The following ZBTB7A variants were observed in gnomAD, a reference collection of about 807,000 sequenced individuals.
ZBTB7A encodes the protein zinc finger and BTB domain containing 7A.
A neutral mutation model predicts 26.7 loss-of-function variants in ZBTB7A; 7 were observed. The ratio of observed to expected loss-of-function variants is 0.26; its 90% confidence interval spans 0.15 to 0.49. The LOEUF is 0.49. Among genes scored for constraint, ZBTB7A ranks in the 20% least tolerant of loss-of-function variants. The pLI, the probability that ZBTB7A is intolerant of heterozygous loss-of-function variation, is 0.98. For synonymous variants in ZBTB7A, 452 were observed against 441.0 expected (o/e 1.02, Z -0.31); for missense variants, 617 against 919.5 (o/e 0.67, Z 4.25).
Position 4,047,711 on chromosome 19 carries a change from GTC to G in ZBTB7A, c.*39_*40del, listed in dbSNP as rs755805315. On this transcript the variant is annotated 3_prime_UTR_variant, in exon 3 of 3. Coordinates refer to ENST00000322357, the MANE Select transcript of ZBTB7A (RefSeq NM_015898.4). ...TGGGTGATTTTTTTTCTCTCTCTCT[GTC>G]TCTCTCTTTCTCGGGTTTCTGTTTT... is the stretch of plus-strand genomic sequence containing the variant. 8 of 1,566,562 alleles carry G rather than the reference GTC, an allele frequency of 5.1e-6. No homozygotes were observed. The highest frequency in any genetic ancestry group is 1.4e-5 in the African/African-American group (1 of 71,528).
chr19:4,045,665 C>CAAG lies in ZBTB7A; in HGVS notation c.*2084_*2086dup. 2.6e-6 allele frequency: 1 copy of CAAG among 379,168 alleles called. No homozygotes were observed. The highest frequency in any genetic ancestry group is 2.1e-5 in the African/African-American group (1 of 48,220). The allele number at this position is 379,168 out of a possible 1,614,324, so 23.5% of individuals were successfully genotyped here. ...CACCCCCCCGCCGGTTGGGCATTGACAAGAAGTCTCAGTGCAGCAGAGCGT... is the reference window on the plus strand; with the variant it reads ...CACCCCCCCGCCGGTTGGGCATTGACAAGAAGAAGTCTCAGTGCAGCAGAGCGT... On this transcript the variant is annotated 3_prime_UTR_variant, in exon 3 of 3. Coordinates refer to ENST00000322357, the MANE Select transcript of ZBTB7A (RefSeq NM_015898.4). The surrounding 1 kb of genome is among the most constrained non-coding windows in gnomAD (Gnocchi z 4.1).
At chr19:4,057,050 AAAAG>A (rs1455218538) in intron 1 of ZBTB7A, among the ~76,000 whole-genome samples, 1 of 150,650 alleles carries the variant, frequency 6.6e-6, no homozygotes, top group Admixed American at 6.6e-5. Flanking sequence ...AAGAAAAAGA[AAAAG>A]AAAAAAAAAA....
chr19:4,060,417 C>T (rs1367822533), intron 1 of ZBTB7A, among the ~76,000 whole-genome samples: 1 of 152,248 alleles, frequency 6.6e-6, no homozygotes, highest in Non-Finnish European at 1.5e-5. Context: ...GGCCGCATTT[C>T]GGCCCCCTCT....
Position 4,047,293 on chromosome 19 carries a change from T to C in ZBTB7A, c.*459A>G, listed in dbSNP as rs2040432189. 6.6e-6 allele frequency: 1 copy of C among 152,180 alleles called. No individual in the cohort carries two copies. Among genetic ancestry groups the C allele is most frequent in the Non-Finnish European group, 1.5e-5 (1 of 68,110 alleles). The allele number at this position is 152,180 out of a possible 1,614,324, so 9.4% of individuals were successfully genotyped here. A position where few individuals can be genotyped will look rare whatever the true frequency, so the allele number is the denominator to read the frequency against. ...TCATTTAAGGTCTTGTCTGAAAGAC[T>C]CATAGAAACCAGCGAGGGGAGGAAA... is the stretch of plus-strand genomic sequence containing the variant. On this transcript the variant is annotated 3_prime_UTR_variant, in exon 3 of 3. Coordinates refer to ENST00000322357, the MANE Select transcript of ZBTB7A (RefSeq NM_015898.4).
rs971782520 is a variant in ZBTB7A at position 4,045,087 on chromosome 19, G to A, written c.*2665C>T. 7.9e-5 allele frequency: 12 copies of A among 152,230 alleles called. No homozygotes were observed. The highest frequency in any genetic ancestry group is 2.7e-4 in the African/African-American group (11 of 41,430). 9.4% of individuals were successfully genotyped at this position (152,230 alleles called of 1,614,324 possible). Reference sequence around the variant, plus strand: ...CAGGCGAAGCTGAGTGCGGAGCTAGGAACGAGGGTTTAGTGCAATCCCCGA... The same window carrying A: ...CAGGCGAAGCTGAGTGCGGAGCTAGAAACGAGGGTTTAGTGCAATCCCCGA... On this transcript the variant is annotated 3_prime_UTR_variant, in exon 3 of 3. Transcript: ENST00000322357. This position sits in a 1 kb window ranked among gnomAD's most constrained non-coding sequence, Gnocchi z 4.1.
chr19:4,059,500 A>C (rs536690966), intron 1 of ZBTB7A, among the ~76,000 whole-genome samples: 3 of 152,112 alleles, frequency 2.0e-5, no homozygotes, highest in African/African-American at 7.2e-5. Flanking sequence ...TCAGCCAAGG[A>C]AAGCCCCCGT....
chr19:4,049,211 T>TATATATATATATATATATATATATATA lies in ZBTB7A; in HGVS notation c.1263-968_1263-967insTATATATATATATATATATATATATAT, dbSNP rs1265213875. ...ATATATATATATATATATATATATG[T>TATATATATATATATATATATATATATA]AAGTTTGAGAGATGGGGGTTGAGCT... On this transcript the variant is annotated intron_variant, in intron 2 of 2. Coordinates refer to ENST00000322357, the MANE Select transcript of ZBTB7A (RefSeq NM_015898.4). Among the ~76,000 whole-genome samples, 3 of 43,168 alleles carry TATATATATATATATATATATATATATA rather than the reference T, an allele frequency of 6.9e-5. 1 individual carries two copies. Among genetic ancestry groups the TATATATATATATATATATATATATATA allele is most frequent in the Non-Finnish European group, 1.1e-4 (2 of 17,798 alleles). The allele number at this position is 43,168 out of a possible 152,430, so 28.3% of individuals were successfully genotyped here. A position where few individuals can be genotyped will look rare whatever the true frequency, so the allele number is the denominator to read the frequency against.
At position 4,047,847 on chromosome 19, in the gene ZBTB7A, C is replaced by T; in HGVS notation, c.1660G>A (p.Gly554Ser). 1.2e-6 allele frequency: 2 copies of T among 1,606,172 alleles called. No individual in the cohort carries two copies. The highest frequency in any genetic ancestry group is 1.7e-6 in the Non-Finnish European group (2 of 1,176,936). Residue 554 changes from glycine (G) to serine (S), a missense_variant, in exon 3 of 3, where the codon GGC (glycine) becomes AGC (serine). Physicochemically the swap from Gly to Ser is moderately conservative, Grantham distance 56. Transcript: ENST00000322357. ...DEDVASPDGL[G>S]RLNVAGAGGG... is the part of the protein sequence containing the mutation. ...CCGGCGCCCGCTACATTCAACCGGC[C>T]CAAGCCGTCGGGGCTGGCCACGTCC...
chr19:4,047,629 A>G lies in ZBTB7A; in HGVS notation c.*123T>C, dbSNP rs2040437852. 2.4e-6 allele frequency: 2 copies of G among 834,894 alleles called. No homozygotes were observed. Among genetic ancestry groups the G allele is most frequent in the Non-Finnish European group, 3.5e-6 (2 of 570,282 alleles). 51.7% of individuals were successfully genotyped at this position (834,894 alleles called of 1,614,324 possible). On this transcript the variant is annotated 3_prime_UTR_variant, in exon 3 of 3. Coordinates refer to ENST00000322357, the MANE Select transcript of ZBTB7A (RefSeq NM_015898.4). ...TATATATATCTGTATATATATATAT[A>G]GATATAGATATCTGTATATAGATAG...
chr19:4,065,001 G>A (rs2040677319), intron 1 of ZBTB7A, among the ~76,000 whole-genome samples: 1 of 151,744 alleles, frequency 6.6e-6, no homozygotes, highest in African/African-American at 2.4e-5. Flanking sequence ...GGGGGCACCC[G>A]CTCCTCCGCT....
intron 2 of ZBTB7A, among the ~76,000 whole-genome samples, chr19:4,050,134 G>A (rs1479472281): frequency 3.3e-5 from 5 of 151,826 alleles, no homozygotes; most frequent in South Asian, 4.2e-4. Flanking sequence ...CATGTTGGCC[G>A]GGCTGGTCTC....
In ZBTB7A at chr19:4,044,338, C is replaced by G. The variant is rs2040385558; in HGVS notation, c.*3414G>C. 6.6e-6 allele frequency: 1 copy of G among 151,802 alleles called. No homozygotes were observed. The highest frequency in any genetic ancestry group is 2.4e-5 in the African/African-American group (1 of 41,258). The allele number at this position is 151,802 out of a possible 1,614,324, so 9.4% of individuals were successfully genotyped here. On this transcript the variant is annotated 3_prime_UTR_variant, in exon 3 of 3. Coordinates refer to ENST00000322357, the MANE Select transcript of ZBTB7A (RefSeq NM_015898.4). ...CGGGCCTGCTCCGGCATTTTACATT[C>G]ACTGGTTTATAATTTTTTTTTTTCA...
intron 1 of ZBTB7A, among the ~76,000 whole-genome samples, chr19:4,066,481 G>A (rs1423389357): frequency 6.6e-6 from 1 of 151,222 alleles, no homozygotes; most frequent in African/African-American, 2.4e-5. Context: ...CCCTTCCCGG[G>A]CGGCGCCCCC....
chr19:4,056,207 A>T (rs1275995702), intron 1 of ZBTB7A, among the ~76,000 whole-genome samples: 1 of 152,122 alleles, frequency 6.6e-6, no homozygotes, highest in African/African-American at 2.4e-5. Flanking sequence ...AAGGGCGGCC[A>T]GCTGTCCTGC....
chr19:4,062,406 C>T (rs941747288), intron 1 of ZBTB7A, among the ~76,000 whole-genome samples: 30 of 152,198 alleles, frequency 2.0e-4, no homozygotes, highest in African/African-American at 7.0e-4. Context: ...CCTTGATAAT[C>T]GCCCCAGAGA....
chr19:4,061,091 A>G (rs1599261983), intron 1 of ZBTB7A, among the ~76,000 whole-genome samples: 2 of 152,272 alleles, frequency 1.3e-5, no homozygotes, highest in Non-Finnish European at 2.9e-5. Context: ...TCCCGCTCAC[A>G]TCCATTCAGC....
At chr19:4,064,097 C>T (rs913306813) in intron 1 of ZBTB7A, among the ~76,000 whole-genome samples, 1 of 152,270 alleles carries the variant, frequency 6.6e-6, no homozygotes, top group Non-Finnish European at 1.5e-5. Flanking sequence ...CTCGGCCGCG[C>T]CTCAGTCTCC....
Position 4,048,294 on chromosome 19 carries a change from G to A in ZBTB7A, c.1263-50C>T. ...ACGGTCAGTGGGGCCGGGGACCCCCGATCCCCGCCCAGGGACCCTCACGGA... is the reference window on the plus strand; with the variant it reads ...ACGGTCAGTGGGGCCGGGGACCCCCAATCCCCGCCCAGGGACCCTCACGGA... On this transcript the variant is annotated intron_variant, in intron 2 of 2. Coordinates refer to ENST00000322357, the MANE Select transcript of ZBTB7A (RefSeq NM_015898.4). This position sits in a 1 kb window ranked among gnomAD's most constrained non-coding sequence, Gnocchi z 6.7. The A allele has an allele frequency of 6.6e-7, 1 of 1,512,170 alleles. No individual in the cohort carries two copies. The highest frequency in any genetic ancestry group is 8.8e-7 in the Non-Finnish European group (1 of 1,139,876). The allele number at this position is 1,512,170 out of a possible 1,614,324, so 93.7% of individuals were successfully genotyped here.
intron 1 of ZBTB7A, chr19:4,065,839 G>GCCGCGCAGCCGGAAGCCGGGA (rs1279031162): frequency 5.6e-5 from 8 of 142,416 alleles, no homozygotes; most frequent in African/African-American, 2.5e-5. Flanking sequence ...CGGCCCGCGG[G>GCCGCGCAGCCGGAAGCCGGGA]CCGCGCAGCC....
Sources: gnomAD v4.1 joint callset for allele counts (sites outside exome capture counted in the v4.1 genomes callset) on GRCh38, gnomAD v4.1.1 for gene constraint, Gnocchi (gnomAD v3.1) non-coding constraint, MANE v1.5 for transcripts, NCBI Gene and HGNC (gene_info 2026-07-23, HGNC 2026-07-21) for gene names.